ADGRB1: variants seen among roughly 807,000 people sequenced by gnomAD.
ADGRB1 encodes brain-specific angiogenesis inhibitor 1.
Under a neutral mutation model 175.7 loss-of-function variants are expected in ADGRB1, and 36 were observed. That is an observed-to-expected ratio of 0.20 (90% CI 0.16 to 0.27). ADGRB1 has a LOEUF of 0.27. Among genes scored for constraint, ADGRB1 ranks in the 10% least tolerant of loss-of-function variants. ADGRB1 has a pLI of 1.00. For missense variants in ADGRB1, 1,731 were observed against 2,255.3 expected (o/e 0.77, Z 4.71); for synonymous variants, 1,054 against 979.4 (o/e 1.08, Z -1.42).
rs1459939066 is a variant in ADGRB1 at position 142,500,372 on chromosome 8, C to CA, written c.2675+9557_2675+9558insA. On this transcript the variant is annotated intron_variant, in intron 17 of 30. Transcript: ENST00000517894. ...TCCCCCGCCCCCCGCGCCTTTCCTCCCCTGCCCCCCGCGCCGCTCCTCCCC... is the reference window on the plus strand; with the variant it reads ...TCCCCCGCCCCCCGCGCCTTTCCTCCACCTGCCCCCCGCGCCGCTCCTCCCC... Among the ~76,000 whole-genome samples, 11 of 96,348 alleles carry CA rather than the reference C, an allele frequency of 1.1e-4. 3 individuals are homozygous for CA. Among genetic ancestry groups the CA allele is most frequent in the African/African-American group, 5.8e-4 (11 of 19,094 alleles). 63.2% of individuals were successfully genotyped at this position (96,348 alleles called of 152,430 possible).
intron 3 of ADGRB1, 50 bp downstream of exon 3, chr8:142,475,685 C>T (rs1288844156): frequency 2.1e-5 from 21 of 992,618 alleles, no homozygotes; most frequent in Non-Finnish European, 1.2e-6. Flanking sequence ...GAGGCGGGGC[C>T]TGTGAGGGAG....
At chr8:142,486,045 G>A (rs1841651484) in intron 13 of ADGRB1, among the ~76,000 whole-genome samples, 1 of 152,224 alleles carries the variant, frequency 6.6e-6, no homozygotes, top group African/African-American at 2.4e-5. Context: ...ACCATTAGCA[G>A]ATGAAATTGG....
At chr8:142,483,898 G>T in intron 11 of ADGRB1, 79 bp from the exon 12 acceptor site, 1 of 1,495,900 alleles carries the variant, frequency 6.7e-7, no homozygotes, top group South Asian at 1.1e-5. Flanking sequence ...GTCACACACT[G>T]AATCCTGACC....
intron 2 of ADGRB1, among the ~76,000 whole-genome samples, chr8:142,471,691 C>T (rs1214605256): frequency 6.6e-6 from 1 of 152,244 alleles, no homozygotes; most frequent in African/African-American, 2.4e-5. Flanking sequence ...CTTAGCTCAC[C>T]TGGGAAGTGG....
chr8:142,525,123 A>G (rs1844098118), intron 23 of ADGRB1, among the ~76,000 whole-genome samples: 1 of 152,012 alleles, frequency 6.6e-6, no homozygotes, highest in African/African-American at 2.4e-5. Flanking sequence ...AGAAACGTGC[A>G]TGAGGGGTGA....
chr8:142,511,018 G>A lies in ADGRB1; in HGVS notation c.2762G>A (p.Cys921Tyr). 7.6e-7 allele frequency: 1 copy of A among 1,317,650 alleles called. No homozygotes were observed. 81.6% of individuals were successfully genotyped at this position (1,317,650 alleles called of 1,614,324 possible). A position where few individuals can be genotyped will look rare whatever the true frequency, so the allele number is the denominator to read the frequency against. ...TVPLDALRTR[C>Y]LCDRLSTFAI... ...CCCCTCGACGCCCTCCGGACGCGCT[G>A]CCTCTGTGACCGGCTCTCCACCTTC... is the stretch of plus-strand genomic sequence containing the variant. The change falls in exon 18 of 31, where the codon TGC becomes TAC. Residue 921 changes from cysteine to tyrosine, a missense_variant. Coordinates refer to ENST00000517894, the MANE Select transcript of ADGRB1 (RefSeq NM_001702.3). The surrounding 1 kb of genome is among the most constrained non-coding windows in gnomAD (Gnocchi z 4.5).
chr8:142,487,574 A>G (rs563512926), intron 13 of ADGRB1, among the ~76,000 whole-genome samples: 75 of 152,194 alleles, frequency 4.9e-4, no homozygotes, highest in Non-Finnish European at 9.6e-4. Context: ...TTGAGGCTCC[A>G]CTGGGGCCTG....
intron 1 of ADGRB1, among the ~76,000 whole-genome samples, chr8:142,456,301 AACTC>A (rs1839677273): frequency 6.6e-6 from 1 of 152,124 alleles, no homozygotes; most frequent in African/African-American, 2.4e-5. Flanking sequence ...CAATGCTGGC[AACTC>A]ACTCTGTGCG....
At chr8:142,494,614 G>A (rs983200264) in intron 17 of ADGRB1, among the ~76,000 whole-genome samples, 1 of 151,844 alleles carries the variant, frequency 6.6e-6, no homozygotes, top group African/African-American at 2.4e-5. Context: ...TTGCACCCAT[G>A]GGCTCAACAC....
intron 18 of ADGRB1, among the ~76,000 whole-genome samples, chr8:142,517,569 C>T (rs754078802): frequency 1.3e-5 from 2 of 148,152 alleles, no homozygotes; most frequent in Admixed American, 1.3e-4. Context: ...AGTCACCTGC[C>T]GAACAGAGAG....
At chr8:142,479,508 G>C (rs745459667) in intron 8 of ADGRB1, 21 bp downstream of exon 8, 4 of 1,527,374 alleles carry the variant, frequency 2.6e-6, no homozygotes, top group African/African-American at 2.8e-5. Context: ...TCCTACCTGG[G>C]CTGGGCTCTG....
At chr8:142,475,208 C>T (rs947821384) in intron 2 of ADGRB1, among the ~76,000 whole-genome samples, 4 of 152,188 alleles carry the variant, frequency 2.6e-5, no homozygotes, top group East Asian at 1.9e-4. Context: ...AGGTCGTCAT[C>T]CCTTCATCAT....
intron 16 of ADGRB1, 52 bp downstream of exon 16, chr8:142,489,490 G>A (rs1289683791): frequency 1.5e-5 from 24 of 1,569,650 alleles, no homozygotes; most frequent in Non-Finnish European, 1.7e-5. Flanking sequence ...GCGTGTGCGC[G>A]AATTCTGTCC....
intron 1 of ADGRB1, among the ~76,000 whole-genome samples, chr8:142,462,535 G>A (rs1373289811): frequency 1.3e-5 from 2 of 152,248 alleles, no homozygotes; most frequent in African/African-American, 4.8e-5. Flanking sequence ...AGACCTCGAG[G>A]CTGCCTGGGC....
Position 142,544,800 on chromosome 8 carries a change from C to T in ADGRB1, c.*383C>T, listed in dbSNP as rs776213712. Reference sequence around the variant, plus strand: ...CTGCTTGGCCCGGCCGGCCTGGCACCGTTTTTTAAACACCCCCATCCCTCG... The same window carrying T: ...CTGCTTGGCCCGGCCGGCCTGGCACTGTTTTTTAAACACCCCCATCCCTCG... On this transcript the variant is annotated 3_prime_UTR_variant, in exon 31 of 31. Transcript: ENST00000517894. 7 of 163,258 alleles carry T rather than the reference C, an allele frequency of 4.3e-5. No individual in the cohort carries two copies. Among genetic ancestry groups the T allele is most frequent in the Admixed American group, 2.6e-4 (4 of 15,530 alleles). 10.1% of individuals were successfully genotyped at this position (163,258 alleles called of 1,614,324 possible).
rs564993919 is a variant in ADGRB1 at position 142,464,634 on chromosome 8, C to A, written c.436C>A (p.Arg146=). The A allele has an allele frequency of 2.9e-5, 44 of 1,520,476 alleles. No individual in the cohort carries two copies. In the African/African-American group the frequency reaches 5.4e-4, roughly 18 times the overall value. 94.2% of individuals were successfully genotyped at this position (1,520,476 alleles called of 1,614,324 possible). ...LQASKQFLQM[R]RQQPPQHDGL... ...GGCCAGCAAGCAGTTCCTGCAGATG[C>A]GGCGCCAGCAGCCGCCCCAGCACGA... Residue 146 remains arginine, a synonymous_variant, in exon 2 of 31, where the codon CGG becomes AGG. Coordinates refer to ENST00000517894, the MANE Select transcript of ADGRB1 (RefSeq NM_001702.3).
At chr8:142,490,083 C>G (rs1057160335) in intron 16 of ADGRB1, among the ~76,000 whole-genome samples, 2 of 152,206 alleles carry the variant, frequency 1.3e-5, no homozygotes, top group African/African-American at 4.8e-5. Context: ...TGGGCAGTGC[C>G]AGGCCTCCAG....
intron 23 of ADGRB1, among the ~76,000 whole-genome samples, chr8:142,525,217 AC>A (rs1384154674): frequency 6.6e-6 from 1 of 151,502 alleles, no homozygotes; most frequent in African/African-American, 2.4e-5. Context: ...GCAGCCCCAG[AC>A]CCCTCCCCAC....
At chr8:142,452,077 G>C (rs1009002843) in intron 1 of ADGRB1, among the ~76,000 whole-genome samples, 62 of 152,304 alleles carry the variant, frequency 4.1e-4, no homozygotes, top group Non-Finnish European at 6.5e-4. Context: ...TGCCGCCCGC[G>C]CCCGGTCCCC....
Sources: gnomAD v4.1 joint callset for allele counts (sites outside exome capture counted in the v4.1 genomes callset) on GRCh38, gnomAD v4.1.1 for gene constraint, Gnocchi (gnomAD v3.1) non-coding constraint, MANE v1.5 for transcripts, NCBI Gene and HGNC (gene_info 2026-07-23, HGNC 2026-07-21) for gene names.